The following TCERG1L variants were observed in gnomAD, a reference collection of about 807,000 sequenced individuals.
TCERG1L encodes transcription elongation regulator 1 like.
Under a neutral mutation model 56.3 loss-of-function variants are expected in TCERG1L, and 37 were observed. The observed-to-expected ratio is 0.66, with a 90% CI of 0.51 to 0.87. The LOEUF (loss-of-function observed/expected upper bound fraction) is 0.87, where lower values mean the gene tolerates loss of function less well. TCERG1L is among the 40% of genes least tolerant of loss of function. TCERG1L has a pLI of 0.00. For missense variants in TCERG1L, 799 were observed against 774.2 expected, an observed-to-expected ratio of 1.03 and a Z score of -0.38; for synonymous variants, 324 against 326.3, an observed-to-expected ratio of 0.99 and a Z score of 0.08.
At chr10:131,134,086 C>T (rs1564798375) in intron 8 of TCERG1L, among the ~76,000 whole-genome samples, 1 of 152,180 alleles carries the variant, frequency 6.6e-6, no homozygotes, top group East Asian at 1.9e-4. Context: ...GCCCCCATGA[C>T]CACTCCTACA....
At chr10:131,199,715 T>C (rs571409760) in intron 4 of TCERG1L, among the ~76,000 whole-genome samples, 33 of 152,294 alleles carry the variant, frequency 2.2e-4, no homozygotes, top group Non-Finnish European at 3.2e-4. Flanking sequence ...CAAGCAGTCA[T>C]AAAGGGCCAC....
intron 4 of TCERG1L, among the ~76,000 whole-genome samples, chr10:131,192,334 C>T (rs919083944): frequency 6.9e-6 from 1 of 144,114 alleles, no homozygotes; most frequent in Admixed American, 6.9e-5. Context: ...TAACATCTTA[C>T]TCCTGTAAGA....
chr10:131,120,439 C>A (rs564969411), intron 8 of TCERG1L, among the ~76,000 whole-genome samples: 222 of 152,344 alleles, frequency 1.5e-3, no homozygotes, highest in African/African-American at 5.2e-3. Flanking sequence ...CACCTCTAAA[C>A]CCTCAGAGGC....
chr10:131,269,621 A>G (rs1017853406), intron 3 of TCERG1L, among the ~76,000 whole-genome samples: 1 of 152,210 alleles, frequency 6.6e-6, no homozygotes, highest in Non-Finnish European at 1.5e-5. Context: ...TCCCCATCTT[A>G]TACAGGTGAA....
chr10:131,133,123 CAG>C (rs928211483), intron 8 of TCERG1L, among the ~76,000 whole-genome samples: 23 of 152,324 alleles, frequency 1.5e-4, no homozygotes, highest in Non-Finnish European at 1.8e-4. Context: ...CGGCACCCAG[CAG>C]AGAGAAGAGT....
chr10:131,241,672 C>G (rs747886314), intron 4 of TCERG1L, among the ~76,000 whole-genome samples: 9 of 151,478 alleles, frequency 5.9e-5, no homozygotes, highest in Non-Finnish European at 1.3e-4. Flanking sequence ...TGCATGAACA[C>G]AGTGGATAGC....
chr10:131,140,785 T>A (rs968990745), intron 7 of TCERG1L, among the ~76,000 whole-genome samples: 1 of 151,922 alleles, frequency 6.6e-6, no homozygotes, highest in African/African-American at 2.4e-5. Context: ...GAGCCCTTGG[T>A]GGAGAGGGCA....
intron 4 of TCERG1L, among the ~76,000 whole-genome samples, chr10:131,199,922 T>A (rs1399424926): frequency 1.3e-5 from 2 of 152,222 alleles, no homozygotes; most frequent in African/African-American, 4.8e-5. Flanking sequence ...GCCCTCACTC[T>A]GGCTCTAGCA....
intron 4 of TCERG1L, among the ~76,000 whole-genome samples, chr10:131,171,614 T>C (rs1451932800): frequency 6.6e-6 from 1 of 152,226 alleles, no homozygotes; most frequent in Non-Finnish European, 1.5e-5. Flanking sequence ...GGTCTCACTC[T>C]GTCATCCAGG....
At chr10:131,202,406 AC>A (rs906954473) in intron 4 of TCERG1L, among the ~76,000 whole-genome samples, 6 of 152,038 alleles carry the variant, frequency 3.9e-5, no homozygotes, top group Non-Finnish European at 7.4e-5. Context: ...ACATGGTGAA[AC>A]CCCATTACCA....
At chr10:131,230,612 T>A (rs1845840166) in intron 4 of TCERG1L, among the ~76,000 whole-genome samples, 1 of 152,140 alleles carries the variant, frequency 6.6e-6, no homozygotes, top group Non-Finnish European at 1.5e-5. Flanking sequence ...TAAGCCTCCG[T>A]GTGGATGTGA....
At chr10:131,155,412 A>G (rs929070230) in intron 6 of TCERG1L, among the ~76,000 whole-genome samples, 3 of 152,242 alleles carry the variant, frequency 2.0e-5, no homozygotes, top group Non-Finnish European at 2.9e-5. Flanking sequence ...CAGCACAGAC[A>G]CAAGTCCCCG....
At chr10:131,195,689 A>G (rs1002314278) in intron 4 of TCERG1L, among the ~76,000 whole-genome samples, 1 of 152,158 alleles carries the variant, frequency 6.6e-6, no homozygotes, top group Non-Finnish European at 1.5e-5. Context: ...GTGCTGCTTG[A>G]GGTGGTCCTT....
chr10:131,148,471 TAC>T (rs34738225), intron 6 of TCERG1L, among the ~76,000 whole-genome samples: 1 of 142,864 alleles, frequency 7.0e-6, no homozygotes, highest in Non-Finnish European at 1.5e-5. Flanking sequence ...CACAGACACA[TAC>T]ACAGACACAT....
intron 4 of TCERG1L, among the ~76,000 whole-genome samples, chr10:131,182,302 T>C (rs1311029353): frequency 1.3e-5 from 2 of 152,180 alleles, no homozygotes; most frequent in African/African-American, 4.8e-5. Context: ...AAAACGCACA[T>C]TAAAGTTACA....
rs181856768 is a variant in TCERG1L, at chr10:131,290,310, A to G, written c.670+17901T>C. Among the ~76,000 whole-genome samples the G allele has an allele frequency of 5.5e-4, 83 of 152,270 alleles. 1 individual carries two copies. The highest frequency in any genetic ancestry group is 1.9e-3 in the African/African-American group (81 of 41,556). On this transcript the variant is annotated intron_variant, in intron 3 of 11. Transcript: ENST00000368642. ...ATACTGTTCTCCAAATTTGGATCCT[A>G]TTGTTCAATTTGAAGCCTACTTTTA... is the stretch of plus-strand genomic sequence containing the variant.
At chr10:131,278,504 A>AT (rs1004262450) in intron 3 of TCERG1L, among the ~76,000 whole-genome samples, 19 of 147,666 alleles carry the variant, frequency 1.3e-4, no homozygotes, top group Admixed American at 3.4e-4. Context: ...TGCCCAGCTA[A>AT]TTTTTTTTTT....
At chr10:131,163,038 G>A (rs1845993510) in intron 6 of TCERG1L, 84 bp downstream of exon 6, 3 of 1,021,338 alleles carry the variant, frequency 2.9e-6, no homozygotes, top group Admixed American at 3.2e-5. Context: ...TGAGAGACAT[G>A]CAGTGTCTCT....
intron 4 of TCERG1L, among the ~76,000 whole-genome samples, chr10:131,258,132 C>A (rs1846193174): frequency 6.6e-6 from 1 of 151,734 alleles, no homozygotes; most frequent in Non-Finnish European, 1.5e-5. Context: ...CCTGCCCCTG[C>A]CCAGTTCATC....
Sources: gnomAD v4.1 joint callset for allele counts (sites outside exome capture counted in the v4.1 genomes callset) on GRCh38, gnomAD v4.1.1 for gene constraint, MANE v1.5 for transcripts, NCBI Gene and HGNC (gene_info 2026-07-23, HGNC 2026-07-21) for gene names.